The following XRCC2 variants were observed in gnomAD, a reference collection of about 807,000 sequenced individuals.
XRCC2 encodes DNA repair protein XRCC2.
In XRCC2, 24 loss-of-function variants were observed where a neutral mutation model predicts 27.3. The ratio of observed to expected loss-of-function variants is 0.88; its 90% confidence interval spans 0.64 to 1.24. The LOEUF (loss-of-function observed/expected upper bound fraction) is 1.24. Ranked by LOEUF, XRCC2 falls within the 50% of genes most tolerant of loss-of-function variation. The pLI, the probability that XRCC2 is intolerant of heterozygous loss-of-function variation, is 0.00. For synonymous variants in XRCC2, 106 were observed against 115.4 expected, an observed-to-expected ratio of 0.92 and a Z score of 0.52; for missense variants, 321 against 325.8, an observed-to-expected ratio of 0.99 and a Z score of 0.11.
At chr7:152,652,388 A>G (rs562840379) in intron 2 of XRCC2, among the ~76,000 whole-genome samples, 2 of 152,220 alleles carry the variant, frequency 1.3e-5, no homozygotes, top group East Asian at 1.9e-4. Flanking sequence ...ACAAGGGACC[A>G]TGCAGAAGCG....
rs1379119432 is a variant in XRCC2 at position 152,648,825 on chromosome 7, G to A, written c.660C>T (p.Asp220=). 6.2e-7 allele frequency: 1 copy of A among 1,613,990 alleles called. No individual in the cohort carries two copies. Among genetic ancestry groups the A allele is most frequent in the Non-Finnish European group, 8.5e-7 (1 of 1,179,882 alleles). The change falls in exon 3 of 3, where the codon GAC becomes GAT. Residue 220 remains aspartate (D), a synonymous_variant. Coordinates refer to ENST00000359321, the MANE Select transcript of XRCC2 (RefSeq NM_005431.2). ...TACAGAGATAAGGTCTGTAGTCTATGTCCACATCACACAGTCGTCGAGAGG... is the reference window on the plus strand; with the variant it reads ...TACAGAGATAAGGTCTGTAGTCTATATCCACATCACACAGTCGTCGAGAGG... ...SHASRRLCDV[D]IDYRPYLCKA...
At chr7:152,675,999 C>T (rs2098040897) in intron 1 of XRCC2, 42 bp downstream of exon 1, 1 of 1,612,912 alleles carries the variant, frequency 6.2e-7, no homozygotes, top group African/African-American at 1.3e-5. Context: ...CCACCGGCGG[C>T]CTTGTTCCCA....
intron 1 of XRCC2, among the ~76,000 whole-genome samples, chr7:152,671,212 C>CA (rs1274107935): frequency 4.6e-5 from 7 of 151,412 alleles, no homozygotes; most frequent in African/African-American, 9.7e-5. Flanking sequence ...AAGACTGTCT[C>CA]AAAAAAAATT....
intron 1 of XRCC2, among the ~76,000 whole-genome samples, chr7:152,667,140 C>T (rs566450040): frequency 6.6e-6 from 1 of 151,998 alleles, no homozygotes; most frequent in Admixed American, 6.6e-5. Context: ...GGTGCGGTGG[C>T]TCACGCCTGT....
rs1377283975 is a variant in XRCC2, at chr7:152,649,177, C to A, written c.308G>T (p.Ser103Ile). Residue 103 changes from serine to isoleucine, a missense_variant, in exon 3 of 3, where the codon AGC becomes ATC. Physicochemically the swap from Ser to Ile is moderately radical, Grantham distance 142. Coordinates refer to ENST00000359321, the MANE Select transcript of XRCC2 (RefSeq NM_005431.2). ...VTILEHRLSQ[S>I]SEEIIKYCLG... ...GCAGTATTTGATTATTTCTTCAGAG[C>A]TTTGGGATAGTCTGTGCTCAAGAAT... 1 of 1,613,718 alleles carries A rather than the reference C, an allele frequency of 6.2e-7. No homozygotes were observed. Among genetic ancestry groups the A allele is most frequent in the South Asian group, 1.1e-5 (1 of 91,068 alleles).
chr7:152,672,479 T>C (rs2098038568), intron 1 of XRCC2, among the ~76,000 whole-genome samples: 1 of 152,204 alleles, frequency 6.6e-6, no homozygotes, highest in Non-Finnish European at 1.5e-5. Flanking sequence ...AAGAAGTATA[T>C]GAGCTGTAAG....
chr7:152,657,119 C>G (rs1454101023), intron 2 of XRCC2, among the ~76,000 whole-genome samples: 3 of 151,350 alleles, frequency 2.0e-5, no homozygotes, highest in Non-Finnish European at 2.9e-5. Context: ...ACCTGTAGTC[C>G]CAGGTACTGG....
In XRCC2 at chr7:152,667,406, A is replaced by AG. The variant is rs1222007611; in HGVS notation, c.40-6625_40-6624insC. Among the ~76,000 whole-genome samples the AG allele has an allele frequency of 5.3e-3, 315 of 59,300 alleles. 2 individuals are homozygous for AG. Among genetic ancestry groups the AG allele is most frequent in the Admixed American group, 6.5e-3 (37 of 5,704 alleles). 38.9% of individuals were successfully genotyped at this position (59,300 alleles called of 152,430 possible). A position where few individuals can be genotyped will look rare whatever the true frequency, so the allele number is the denominator to read the frequency against. On this transcript the variant is annotated intron_variant, in intron 1 of 2. Transcript: ENST00000359321. ...GGCAACAAGAGCAAAACTCCGTCTCAAAAAAAAAAAAAAAAAAAAAGAAAA... is the reference window on the plus strand; with the variant it reads ...GGCAACAAGAGCAAAACTCCGTCTCAGAAAAAAAAAAAAAAAAAAAAGAAAA...
rs184911403 is a variant in XRCC2 at position 152,666,207 on chromosome 7, T to G, written c.40-5425A>C. On this transcript the variant is annotated intron_variant, in intron 1 of 2. Coordinates refer to ENST00000359321, the MANE Select transcript of XRCC2 (RefSeq NM_005431.2). Reference sequence around the variant, plus strand: ...ATAACATAAAGAAAAGCTCTTTAGATTCTTCAATAATTTTTTTTTTGAGAC... The same window carrying G: ...ATAACATAAAGAAAAGCTCTTTAGAGTCTTCAATAATTTTTTTTTTGAGAC... 2.0e-5 allele frequency among the ~76,000 whole-genome samples: 3 copies of G among 152,246 alleles called. No individual in the cohort carries two copies. In the East Asian group the frequency reaches 5.8e-4, roughly 29 times the overall value.
At chr7:152,667,312 C>T (rs571265240) in intron 1 of XRCC2, among the ~76,000 whole-genome samples, 29 of 137,962 alleles carry the variant, frequency 2.1e-4, no homozygotes, top group East Asian at 8.8e-4. Flanking sequence ...GAGGCTGAGA[C>T]GGAAGAATCG....
intron 1 of XRCC2, among the ~76,000 whole-genome samples, chr7:152,670,117 G>T (rs2098037576): frequency 1.3e-5 from 2 of 152,148 alleles, no homozygotes; most frequent in Admixed American, 1.3e-4. Flanking sequence ...TACTGAGAGA[G>T]AAATGCCTTT....
rs1269672451 is a variant in XRCC2, at chr7:152,666,617, TTTA to T, written c.40-5838_40-5836del. Among the ~76,000 whole-genome samples the T allele has an allele frequency of 3.6e-5, 5 of 140,248 alleles. No individual in the cohort carries two copies. In the South Asian group the frequency reaches 7.3e-4, roughly 20 times the overall value. 92.0% of individuals were successfully genotyped at this position (140,248 alleles called of 152,430 possible). On this transcript the variant is annotated intron_variant, in intron 1 of 2. Coordinates refer to ENST00000359321, the MANE Select transcript of XRCC2 (RefSeq NM_005431.2). ...ATAACTCAAAGAAAAATACAGATTC[TTTA>T]TTTTTTTTTTTTTTTGAGACAGAGT...
intron 1 of XRCC2, among the ~76,000 whole-genome samples, chr7:152,663,100 G>A (rs1021403309): frequency 1.3e-5 from 2 of 151,992 alleles, no homozygotes; most frequent in Non-Finnish European, 2.9e-5. Flanking sequence ...AAAGTTACAG[G>A]GTGCTTAATT....
At chr7:152,663,373 A>AAAAAAAAAAAAT (rs71182011) in intron 1 of XRCC2, among the ~76,000 whole-genome samples, 3 of 143,646 alleles carry the variant, frequency 2.1e-5, no homozygotes, top group Non-Finnish European at 3.0e-5. Context: ...AAAAAAAAAA[A>AAAAAAAAAAAAT]GACTGCTTTT....
chr7:152,649,363 C>G lies in XRCC2; in HGVS notation c.122G>C (p.Gly41Ala). 6.4e-7 allele frequency: 1 copy of G among 1,562,274 alleles called. No homozygotes were observed. Among genetic ancestry groups the G allele is most frequent in the Non-Finnish European group, 8.6e-7 (1 of 1,156,910 alleles). Reference sequence around the variant, plus strand: ...TGGGCCATGAAATTCAAGAATATCACCTGTGTAAAATTTAAAAATCTCAGT... The same window carrying G: ...TGGGCCATGAAATTCAAGAATATCAGCTGTGTAAAATTTAAAAATCTCAGT... ...LFADEDSPVH[G>A]DILEFHGPEG... Residue 41 changes from glycine to alanine, a missense_variant and splice_region_variant, in exon 3 of 3, where the codon GGT (glycine) becomes GCT (alanine). Physicochemically the swap from Gly to Ala is moderately conservative, Grantham distance 60 (BLOSUM62 0). Transcript: ENST00000359321.
intron 1 of XRCC2, among the ~76,000 whole-genome samples, chr7:152,666,277 T>C (rs1327729294): frequency 6.6e-6 from 1 of 152,092 alleles, no homozygotes; most frequent in Non-Finnish European, 1.5e-5. Context: ...AGTGATGACA[T>C]CATGGCTCTC....
At chr7:152,652,352 T>A (rs1225575460) in intron 2 of XRCC2, among the ~76,000 whole-genome samples, 2 of 151,988 alleles carry the variant, frequency 1.3e-5, no homozygotes, top group Non-Finnish European at 2.9e-5. Flanking sequence ...CTGCCAAGCA[T>A]CTTTTACTGC....
In XRCC2 at chr7:152,662,547, A is replaced by G. The variant is rs547629906; in HGVS notation, c.40-1765T>C. ...AAAAAATCTATCACAAATGGGAAGA[A>G]AGTCACCTTTTATTTGCATTTTTTT... is the stretch of plus-strand genomic sequence containing the variant. On this transcript the variant is annotated intron_variant, in intron 1 of 2. Transcript: ENST00000359321. 2.0e-5 allele frequency among the ~76,000 whole-genome samples: 3 copies of G among 151,560 alleles called. No individual in the cohort carries two copies. The East Asian group carries it at 5.9e-4, about 30-fold the overall frequency.
At chr7:152,674,768 A>AATATATTTTTAAATATATATTATATAT in intron 1 of XRCC2, among the ~76,000 whole-genome samples, 1 of 12,738 alleles carries the variant, frequency 7.9e-5, no homozygotes, top group African/African-American at 3.0e-4. Context: ...TATTATATAT[A>AATATATTTTTAAATATATATTATATAT]AATATATTTT....
Sources: gnomAD v4.1 joint callset for allele counts (sites outside exome capture counted in the v4.1 genomes callset) on GRCh38, gnomAD v4.1.1 for gene constraint, MANE v1.5 for transcripts, NCBI Gene and HGNC (gene_info 2026-07-23, HGNC 2026-07-21) for gene names.